Variants in PRKAR1A observed in about 807,000 individuals in gnomAD.
The protein encoded by PRKAR1A is protein kinase cAMP-dependent type I regulatory subunit alpha.
Under a neutral mutation model 52.0 loss-of-function variants are expected in PRKAR1A, and 3 were observed. That is an observed-to-expected ratio of 0.06 (90% CI 0.03 to 0.15). The LOEUF (loss-of-function observed/expected upper bound fraction) is 0.15. PRKAR1A is among the 10% of genes least tolerant of loss of function. The pLI is 1.00. For missense variants in PRKAR1A, 240 were observed against 477.4 expected, an observed-to-expected ratio of 0.50 and a Z score of 4.63; for synonymous variants, 188 against 168.4, an observed-to-expected ratio of 1.12 and a Z score of -0.90.
chr17:68,440,991 A>T, the PRKAR1A span: 1 of 152,242 alleles, frequency 6.6e-6, no homozygotes, highest in Non-Finnish European at 1.5e-5. Flanking sequence ...ATTTTCAAAC[A>T]AGAAAGAGGT....
chr17:68,548,725 ATTTTTTTTTT>A (rs753348891), intron 11 of PRKAR1A, among the ~76,000 whole-genome samples: 2 of 79,158 alleles, frequency 2.5e-5, no homozygotes, highest in Admixed American at 1.7e-4. Flanking sequence ...ATGCCTGTAT[ATTTTTTTTTT>A]TTTTTTTTTT....
chr17:68,533,495 C>CT (rs201900205), downstream of PRKAR1A: 2,056 of 898,124 alleles, frequency 2.3e-3, 35 homozygotes, highest in African/African-American at 0.033. Flanking sequence ...CAAGTAGACT[C>CT]TTTTTTTTGT....
chr17:68,481,771 G>A, the PRKAR1A span, among the ~76,000 whole-genome samples: 1 of 152,150 alleles, frequency 6.6e-6, no homozygotes, highest in Non-Finnish European at 1.5e-5. Flanking sequence ...CCCATTGTAT[G>A]CTGGTCAGTG....
chr17:68,509,334 T>A (rs2085234186), upstream of PRKAR1A, among the ~76,000 whole-genome samples: 1 of 152,126 alleles, frequency 6.6e-6, no homozygotes, highest in South Asian at 2.1e-4. Context: ...GGCTAATTTT[T>A]AAAATTTTTT....
chr17:68,541,672 TG>T (rs2086301476), intron 11 of PRKAR1A: 2 of 215,144 alleles, frequency 9.3e-6, no homozygotes, highest in Admixed American at 6.1e-5. Context: ...TGCTGTGCTG[TG>T]TTTTCGTGAT....
chr17:68,534,870 C>G (rs1425624976), downstream of PRKAR1A, among the ~76,000 whole-genome samples: 1 of 152,088 alleles, frequency 6.6e-6, no homozygotes, highest in Non-Finnish European at 1.5e-5. Flanking sequence ...CTAGAGACTC[C>G]CAGCAACCTA....
chr17:68,477,816 G>A, the PRKAR1A span, among the ~76,000 whole-genome samples: 2 of 151,798 alleles, frequency 1.3e-5, no homozygotes, highest in Middle Eastern at 3.4e-3. Context: ...TCCACCTCCC[G>A]GGTTCAAGCG....
chr17:68,430,582 A>C, the PRKAR1A span, among the ~76,000 whole-genome samples: 1 of 152,212 alleles, frequency 6.6e-6, no homozygotes, highest in African/African-American at 2.4e-5. Flanking sequence ...CTCCTGAGCC[A>C]GACTGAGTGG....
rs1002149907 is a variant in PRKAR1A, at chr17:68,512,516, C to G, written c.-39C>G. ...GCTCGGTACGCCGCCGCCTCGCACC[C>G]GCAGCCTCGCGCCCGCCGCCGCCCG... On this transcript the variant is annotated 5_prime_UTR_variant, in exon 1 of 11. Coordinates refer to ENST00000589228, the MANE Select transcript of PRKAR1A (RefSeq NM_002734.5). 1 of 154,030 alleles carries G rather than the reference C, an allele frequency of 6.5e-6. No homozygotes were observed. The highest frequency in any genetic ancestry group is 2.4e-5 in the African/African-American group (1 of 41,440). 9.5% of individuals were successfully genotyped at this position (154,030 alleles called of 1,614,324 possible).
chr17:68,438,893 C>T, the PRKAR1A span, among the ~76,000 whole-genome samples: 1 of 152,228 alleles, frequency 6.6e-6, no homozygotes, highest in African/African-American at 2.4e-5. Context: ...AGCCATCGTG[C>T]CTGGCCTAGC....
chr17:68,530,833 C>T lies in PRKAR1A; in HGVS notation c.*384C>T, dbSNP rs142203044. 1.7e-4 allele frequency: 211 copies of T among 1,214,840 alleles called. 1 individual carries two copies. The highest frequency in any genetic ancestry group is 1.0e-3 in the Middle Eastern group (3 of 2,924). 75.3% of individuals were successfully genotyped at this position (1,214,840 alleles called of 1,614,324 possible). A position where few individuals can be genotyped will look rare whatever the true frequency, so the allele number is the denominator to read the frequency against. ...AGTGACATAATTGTCCAGTTATAAG[C>T]GTATTTAGACTGTGGCCATATATGC... On this transcript the variant is annotated 3_prime_UTR_variant, in exon 11 of 11. Transcript: ENST00000589228.
chr17:68,424,469 A>C, the PRKAR1A span: 1 of 534,832 alleles, frequency 1.9e-6, no homozygotes, highest in Non-Finnish European at 3.8e-6. Flanking sequence ...CTCAATGGAC[A>C]CAAAACAATG....
At chr17:68,420,345 C>T in the PRKAR1A span, 1 of 1,614,168 alleles carries the variant, frequency 6.2e-7, no homozygotes, top group South Asian at 1.1e-5. Context: ...AAGGTTCTTG[C>T]AGACGTCCTC....
chr17:68,426,233 C>T, the PRKAR1A span: 1 of 754,004 alleles, frequency 1.3e-6, no homozygotes, highest in Non-Finnish European at 1.9e-6. Flanking sequence ...TATGCCATGA[C>T]CTGGCGGGTG....
At chr17:68,453,169 A>G in the PRKAR1A span, among the ~76,000 whole-genome samples, 9 of 152,334 alleles carry the variant, frequency 5.9e-5, no homozygotes, top group African/African-American at 1.9e-4. Flanking sequence ...CAGGAAGAGC[A>G]AAAGAAAAGA....
At chr17:68,437,003 A>ATATATATAT in the PRKAR1A span, among the ~76,000 whole-genome samples, 746 of 60,270 alleles carry the variant, frequency 0.012, 10 homozygotes, top group Admixed American at 0.063. Flanking sequence ...CAAAAAAAAA[A>ATATATATAT]AAATATATAT....
the PRKAR1A span, among the ~76,000 whole-genome samples, chr17:68,433,813 C>T: frequency 1.7e-5 from 2 of 116,160 alleles, no homozygotes; most frequent in Non-Finnish European, 3.2e-5. Context: ...CAGAGTCTCT[C>T]GCTCTGTTGC....
the PRKAR1A span, among the ~76,000 whole-genome samples, chr17:68,435,946 G>A: frequency 5.9e-5 from 9 of 152,366 alleles, no homozygotes; most frequent in African/African-American, 2.2e-4. Context: ...AGGTGGCCAC[G>A]AACGGAGCAC....
At chr17:68,442,993 C>A in the PRKAR1A span, among the ~76,000 whole-genome samples, 1 of 152,252 alleles carries the variant, frequency 6.6e-6, no homozygotes. Context: ...AAACTTACCA[C>A]CCACAGCTTC....
Sources: gnomAD v4.1 joint callset for allele counts (sites outside exome capture counted in the v4.1 genomes callset) on GRCh38, gnomAD v4.1.1 for gene constraint, MANE v1.5 for transcripts, NCBI Gene and HGNC (gene_info 2026-07-23, HGNC 2026-07-21) for gene names.